The following ANO3 variants were observed in gnomAD, a reference collection of about 807,000 sequenced individuals.
ANO3 encodes anoctamin 3.
Under a neutral mutation model 144.8 loss-of-function variants are expected in ANO3, and 99 were observed. The ratio of observed to expected loss-of-function variants is 0.68; its 90% CI spans 0.58 to 0.81. The LOEUF is 0.81. Ranked by LOEUF, ANO3 falls within the 30% of genes least tolerant of loss-of-function variation. ANO3 has a pLI of 0.00. For missense variants in ANO3, 905 were observed against 1,202.2 expected, an observed-to-expected ratio of 0.75 and a Z score of 3.66; for synonymous variants, 414 against 392.6, an observed-to-expected ratio of 1.05 and a Z score of -0.64.
chr11:26,533,619 T>A (rs1018247001), intron 8 of ANO3, among the ~76,000 whole-genome samples: 3 of 151,444 alleles, frequency 2.0e-5, no homozygotes, highest in African/African-American at 7.3e-5. Flanking sequence ...GCATTAAAGG[T>A]CAGGTGGGAA....
intron 1 of ANO3, among the ~76,000 whole-genome samples, chr11:26,406,755 A>G (rs1393459922): frequency 6.8e-6 from 1 of 146,012 alleles, no homozygotes; most frequent in Non-Finnish European, 1.5e-5. Context: ...GATTTCTAGC[A>G]TGATGATCTG....
chr11:26,248,768 C>T (rs1336207234), intron 1 of ANO3, among the ~76,000 whole-genome samples: 3 of 152,186 alleles, frequency 2.0e-5, no homozygotes, highest in Admixed American at 6.5e-5. Context: ...CTTTATATCG[C>T]GGTCCCCAAC....
At chr11:26,189,132 C>T in exon 1 of ANO3, 2 of 901,856 alleles carry the variant, frequency 2.2e-6, no homozygotes, top group South Asian at 5.1e-5. Context: ...TTAAAGAATT[C>T]AATAGTGTGA....
rs551980551 is a variant in ANO3 at position 26,223,836 on chromosome 11, C to T, written c.154+34506C>T. On this transcript the variant is annotated intron_variant, in intron 1 of 27. Coordinates refer to the ANO3 transcript ENST00000672621. ...GAGGCGCCACATTCTTTTAAACAAC[C>T]GGATCTCAAGTGAACTGGTAGAGAG... is the stretch of plus-strand genomic sequence containing the variant. Among the ~76,000 whole-genome samples the T allele has an allele frequency of 7.9e-5, 12 of 152,016 alleles. No individual in the cohort carries two copies. In the South Asian group the frequency reaches 2.3e-3, roughly 29 times the overall value.
At chr11:26,407,066 G>GTATATATATATATATA (rs1293298817) in intron 1 of ANO3, among the ~76,000 whole-genome samples, 3 of 57,178 alleles carry the variant, frequency 5.2e-5, no homozygotes, top group Non-Finnish European at 1.4e-4. Context: ...GTGTGTGTGT[G>GTATATATATATATATA]TGTGTGTGTG....
intron 1 of ANO3, among the ~76,000 whole-genome samples, chr11:26,357,398 A>G (rs1855809716): frequency 6.6e-6 from 1 of 152,216 alleles, no homozygotes; most frequent in South Asian, 2.1e-4. Flanking sequence ...AAATGTTAGT[A>G]TTCTAATAAG....
intron 1 of ANO3, among the ~76,000 whole-genome samples, chr11:26,238,796 AT>A (rs550882940): frequency 5.6e-4 from 85 of 152,164 alleles, no homozygotes; most frequent in African/African-American, 2.0e-3. Flanking sequence ...TGCAAACATC[AT>A]CTTACTTGTT....
chr11:26,505,311 G>A (rs141617187), intron 4 of ANO3, among the ~76,000 whole-genome samples: 302 of 152,320 alleles, frequency 2.0e-3, no homozygotes, highest in African/African-American at 6.7e-3. Flanking sequence ...GAAGGTTGTG[G>A]GAAGTACCTG....
In ANO3 at chr11:26,293,148, T is replaced by G. The variant is rs535736475; in HGVS notation, c.155-16497T>G. Among the ~76,000 whole-genome samples, 4 of 152,330 alleles carry G rather than the reference T, an allele frequency of 2.6e-5. No individual in the cohort carries two copies. In the South Asian group the frequency reaches 8.3e-4, roughly 32 times the overall value. ...ATTTAATACCCATTTTAAAAGGTGT[T>G]TTGAAAAGGTAAATTTTTCTTCTAA... On this transcript the variant is annotated intron_variant, in intron 1 of 27. Transcript: ENST00000672621.
At chr11:26,314,311 C>T (rs911405107) in intron 1 of ANO3, among the ~76,000 whole-genome samples, 1 of 152,180 alleles carries the variant, frequency 6.6e-6, no homozygotes, top group Non-Finnish European at 1.5e-5. Flanking sequence ...ACATATGTTA[C>T]TTAATTCAAC....
intron 1 of ANO3, among the ~76,000 whole-genome samples, chr11:26,249,353 G>A (rs2133818188): frequency 6.6e-6 from 1 of 152,240 alleles, no homozygotes; most frequent in South Asian, 2.1e-4. Flanking sequence ...CTACTACGAA[G>A]CTAACATAGG....
chr11:26,270,546 G>A (rs915633942), intron 1 of ANO3, among the ~76,000 whole-genome samples: 3 of 152,048 alleles, frequency 2.0e-5, no homozygotes, highest in African/African-American at 7.3e-5. Flanking sequence ...TTATGTTTAG[G>A]AGGTATTTTC....
chr11:26,412,795 A>AGTGTGTGT (rs60855252), intron 1 of ANO3, among the ~76,000 whole-genome samples: 24,158 of 140,020 alleles, frequency 0.17, 2,118 homozygotes, highest in South Asian at 0.22. Context: ...GAGAAAGGAA[A>AGTGTGTGT]GTGTGTGTGT....
chr11:26,613,505 G>T (rs1352353237), intron 17 of ANO3, among the ~76,000 whole-genome samples: 1 of 152,038 alleles, frequency 6.6e-6, no homozygotes, highest in African/African-American at 2.4e-5. Flanking sequence ...TTTCTTTGGG[G>T]TCTGTTACTA....
intron 1 of ANO3, among the ~76,000 whole-genome samples, chr11:26,344,245 C>G (rs978882960): frequency 6.6e-6 from 1 of 151,992 alleles, no homozygotes; most frequent in African/African-American, 2.4e-5. Context: ...TTTACTTTCA[C>G]CATTTTTTAT....
At chr11:26,633,864 T>G (rs1264650446) in intron 18 of ANO3, among the ~76,000 whole-genome samples, 1 of 151,896 alleles carries the variant, frequency 6.6e-6, no homozygotes, top group African/African-American at 2.4e-5. Flanking sequence ...TCACCTGAGG[T>G]CAGGAGTTCG....
intron 1 of ANO3, among the ~76,000 whole-genome samples, chr11:26,238,129 T>C (rs983309175): frequency 6.6e-6 from 1 of 152,140 alleles, no homozygotes; most frequent in African/African-American, 2.4e-5. Context: ...TGTGTGTGCA[T>C]GGGCATGAAT....
intron 17 of ANO3, among the ~76,000 whole-genome samples, chr11:26,622,606 G>C (rs979288865): frequency 6.6e-6 from 1 of 151,938 alleles, no homozygotes; most frequent in East Asian, 1.9e-4. Context: ...ACTTTGTCTC[G>C]AAAATAAATA....
intron 1 of ANO3, among the ~76,000 whole-genome samples, chr11:26,200,204 C>A (rs1324562855): frequency 6.6e-6 from 1 of 152,164 alleles, no homozygotes; most frequent in South Asian, 2.1e-4. Flanking sequence ...CCGAAGCTAA[C>A]CTGAACTAGG....
Sources: gnomAD v4.1 joint callset for allele counts (sites outside exome capture counted in the v4.1 genomes callset) on GRCh38, gnomAD v4.1.1 for gene constraint, MANE v1.5 for transcripts, NCBI Gene and HGNC (gene_info 2026-07-23, HGNC 2026-07-21) for gene names.